Variants in FSTL4 observed in about 807,000 individuals in gnomAD.
The protein encoded by FSTL4 is follistatin like 4.
In FSTL4, 28 loss-of-function variants were observed where a neutral mutation model predicts 78.2. That is an observed-to-expected ratio of 0.36 (90% CI 0.27 to 0.49). FSTL4 has a LOEUF of 0.49. FSTL4 is among the 20% of genes least tolerant of loss of function. The pLI is 0.98. For missense variants in FSTL4, 922 were observed against 1,084.9 expected (o/e 0.85, Z 2.11); for synonymous variants, 422 against 440.5 (o/e 0.96, Z 0.53).
At chr5:133,605,415 G>C (rs1195858914) in intron 1 of FSTL4, among the ~76,000 whole-genome samples, 2 of 152,322 alleles carry the variant, frequency 1.3e-5, no homozygotes, top group East Asian at 3.9e-4. Context: ...GGACCTGGCA[G>C]TCCATCCCTG....
intron 3 of FSTL4, among the ~76,000 whole-genome samples, chr5:133,490,303 A>T (rs1758241164): frequency 6.6e-6 from 1 of 152,116 alleles, no homozygotes; most frequent in African/African-American, 2.4e-5. Flanking sequence ...AACATAATTC[A>T]CATAGAACAG....
At chr5:133,634,805 C>T in the FSTL4 span, among the ~76,000 whole-genome samples, 85 of 152,250 alleles carry the variant, frequency 5.6e-4, 1 homozygote, top group African/African-American at 2.0e-3. Context: ...CATGCCTGTT[C>T]CCCCACCGTT....
At chr5:133,750,070 A>C in the FSTL4 span, among the ~76,000 whole-genome samples, 2 of 152,124 alleles carry the variant, frequency 1.3e-5, no homozygotes, top group Non-Finnish European at 2.9e-5. Context: ...CTAAAGGTTA[A>C]TGGGAGGGGT....
intron 6 of FSTL4, among the ~76,000 whole-genome samples, chr5:133,299,889 G>T (rs191643808): frequency 5.3e-5 from 8 of 152,328 alleles, no homozygotes; most frequent in Admixed American, 5.2e-4. Context: ...CTACAGGGCA[G>T]ACATCTGCAT....
intron 5 of FSTL4, among the ~76,000 whole-genome samples, chr5:133,313,000 G>A (rs1753823446): frequency 6.6e-6 from 1 of 152,172 alleles, no homozygotes; most frequent in African/African-American, 2.4e-5. Flanking sequence ...ACAGTGCTTG[G>A]GGCAGACTCT....
At chr5:133,570,426 G>T (rs766863013) in intron 2 of FSTL4, among the ~76,000 whole-genome samples, 4 of 152,056 alleles carry the variant, frequency 2.6e-5, no homozygotes, top group Non-Finnish European at 4.4e-5. Context: ...AGGTTCAAGT[G>T]ATTCTCCTGC....
At chr5:133,292,819 A>G (rs1372668630) in intron 6 of FSTL4, among the ~76,000 whole-genome samples, 2 of 152,068 alleles carry the variant, frequency 1.3e-5, no homozygotes, top group Admixed American at 6.6e-5. Context: ...TTAAAGGGAC[A>G]TTGTCATCTT....
At chr5:133,249,733 T>C (rs1461106718) in intron 6 of FSTL4, among the ~76,000 whole-genome samples, 157 bp from the exon 7 acceptor site, 4 of 152,242 alleles carry the variant, frequency 2.6e-5, no homozygotes, top group Non-Finnish European at 5.9e-5. Flanking sequence ...AATGTAGAGA[T>C]AGACACTTTT....
intron 3 of FSTL4, among the ~76,000 whole-genome samples, chr5:133,539,477 C>T (rs1759423693): frequency 6.6e-6 from 1 of 152,130 alleles, no homozygotes; most frequent in African/African-American, 2.4e-5. Context: ...ACTCACTCCA[C>T]AGGCCCATGC....
intron 14 of FSTL4, among the ~76,000 whole-genome samples, chr5:133,205,132 A>T (rs994697063): frequency 1.3e-5 from 2 of 152,186 alleles, no homozygotes; most frequent in African/African-American, 4.8e-5. Flanking sequence ...GGTTTTGGAG[A>T]AGTAGTCTTT....
intron 3 of FSTL4, among the ~76,000 whole-genome samples, chr5:133,481,539 C>CAAAA (rs34556142): frequency 3.1e-5 from 2 of 65,502 alleles, no homozygotes; most frequent in African/African-American, 1.0e-4. Flanking sequence ...GAGACTGTCT[C>CAAAA]AAAAAAAAAA....
chr5:133,753,100 CAAAAAG>C, the FSTL4 span, among the ~76,000 whole-genome samples: 1 of 152,074 alleles, frequency 6.6e-6, no homozygotes, highest in African/African-American at 2.4e-5. Flanking sequence ...GTTATAACAA[CAAAAAG>C]AAAAAGTCTT....
chr5:133,277,991 T>C (rs1035182755), intron 6 of FSTL4, among the ~76,000 whole-genome samples: 1 of 152,070 alleles, frequency 6.6e-6, no homozygotes, highest in African/African-American at 2.4e-5. Flanking sequence ...TCCCGTGGCC[T>C]GGAACATGCG....
intron 3 of FSTL4, among the ~76,000 whole-genome samples, chr5:133,460,003 C>G (rs185313815): frequency 3.2e-4 from 49 of 152,306 alleles, no homozygotes; most frequent in African/African-American, 1.1e-3. Context: ...GAAATATCCT[C>G]CCCATAGGGT....
At chr5:133,373,326 G>A (rs976673641) in intron 4 of FSTL4, among the ~76,000 whole-genome samples, 2 of 152,222 alleles carry the variant, frequency 1.3e-5, no homozygotes, top group Admixed American at 1.3e-4. Context: ...GCAGGAGGTG[G>A]GCGGTCAGCA....
intron 5 of FSTL4, among the ~76,000 whole-genome samples, chr5:133,314,266 T>G (rs983950439): frequency 1.3e-5 from 2 of 152,244 alleles, no homozygotes; most frequent in African/African-American, 4.8e-5. Flanking sequence ...TCCCTGGCCC[T>G]GCCCCTCAGG....
intron 4 of FSTL4, among the ~76,000 whole-genome samples, chr5:133,328,456 T>C (rs1224302810): frequency 6.6e-6 from 1 of 152,214 alleles, no homozygotes; most frequent in Non-Finnish European, 1.5e-5. Flanking sequence ...GATCCACATA[T>C]ACTTTTTATG....
intron 3 of FSTL4, among the ~76,000 whole-genome samples, chr5:133,524,439 C>T (rs1244696859): frequency 6.6e-6 from 1 of 152,112 alleles, no homozygotes; most frequent in South Asian, 2.1e-4. Flanking sequence ...AGAAGAAAGG[C>T]GAGAGCGGTG....
chr5:133,768,257 G>A, the FSTL4 span, among the ~76,000 whole-genome samples: 3 of 152,322 alleles, frequency 2.0e-5, no homozygotes, highest in South Asian at 6.2e-4. Context: ...GATGATGGAT[G>A]TTGTTATACC....
Sources: allele counts gnomAD v4.1 joint callset (sites outside exome capture counted in the v4.1 genomes callset), GRCh38; gene constraint gnomAD v4.1.1; transcripts MANE v1.5; gene names NCBI Gene and HGNC (gene_info 2026-07-23, HGNC 2026-07-21).